The following RBFOX1 variants were observed in gnomAD, a reference collection of about 807,000 sequenced individuals.
The protein encoded by RBFOX1 is RNA binding protein fox-1 homolog 1.
A neutral mutation model predicts 57.7 loss-of-function variants in RBFOX1; 8 were observed. The ratio of observed to expected loss-of-function variants is 0.14; its 90% CI spans 0.08 to 0.25. The LOEUF (loss-of-function observed/expected upper bound fraction) is 0.25, where lower values mean the gene tolerates loss of function less well. Among genes scored for constraint, RBFOX1 ranks in the 10% least tolerant of loss-of-function variants. The pLI is 1.00. For synonymous variants in RBFOX1, 326 were observed against 222.4 expected, an observed-to-expected ratio of 1.47 and a Z score of -4.15; for missense variants, 611 against 548.5, an observed-to-expected ratio of 1.11 and a Z score of -1.14.
intron 4 of RBFOX1, among the ~76,000 whole-genome samples, chr16:5,884,320 G>C (rs1185750575): frequency 1.3e-5 from 2 of 152,130 alleles, no homozygotes; most frequent in Non-Finnish European, 2.9e-5. Flanking sequence ...TAAGGTGGGT[G>C]ATTAAAAAAT....
intron 1 of RBFOX1, among the ~76,000 whole-genome samples, chr16:5,413,855 G>T (rs1211913690): frequency 6.6e-6 from 1 of 152,052 alleles, no homozygotes; most frequent in African/African-American, 2.4e-5. Context: ...GTTGGGGGAA[G>T]GCAAACACAA....
At chr16:6,201,943 T>C (rs2097218062) in intron 1 of RBFOX1, among the ~76,000 whole-genome samples, 1 of 152,204 alleles carries the variant, frequency 6.6e-6, no homozygotes, top group African/African-American at 2.4e-5. Context: ...GCATAAATAT[T>C]GAGGGTCCCC....
intron 10 of RBFOX1, among the ~76,000 whole-genome samples, chr16:7,620,031 A>G (rs904388187): frequency 2.0e-5 from 3 of 152,230 alleles, no homozygotes; most frequent in Middle Eastern, 3.2e-3. Flanking sequence ...ATTTAATACT[A>G]AAATATTTGC....
intron 1 of RBFOX1, among the ~76,000 whole-genome samples, chr16:6,151,756 A>G (rs1245434295): frequency 6.6e-6 from 1 of 152,194 alleles, no homozygotes. Flanking sequence ...GGTATGAGGG[A>G]GTGAAGAATA....
chr16:7,135,064 T>A (rs74009055), intron 4 of RBFOX1, among the ~76,000 whole-genome samples: 1 of 152,022 alleles, frequency 6.6e-6, no homozygotes, highest in Non-Finnish European at 1.5e-5. Context: ...ATAAAGAAGG[T>A]TTTAAAACTT....
chr16:7,395,099 T>C (rs4519348), intron 4 of RBFOX1, among the ~76,000 whole-genome samples: 27,876 of 151,894 alleles, frequency 0.18, 2,673 homozygotes, highest in East Asian at 0.25. Context: ...TTTTTTTTTC[T>C]CTTGAGTTAG....
chr16:6,660,998 G>A (rs1054362357), intron 3 of RBFOX1, among the ~76,000 whole-genome samples: 4 of 152,122 alleles, frequency 2.6e-5, no homozygotes, highest in Non-Finnish European at 4.4e-5. Flanking sequence ...TAATGAAGAG[G>A]CAGAGGAGTG....
intron 2 of RBFOX1, among the ~76,000 whole-genome samples, chr16:6,491,155 C>T (rs948203585): frequency 5.3e-5 from 8 of 151,370 alleles, no homozygotes; most frequent in Non-Finnish European, 1.0e-4. Context: ...TATGTATAGA[C>T]TAGAAGCTAC....
intron 3 of RBFOX1, among the ~76,000 whole-genome samples, chr16:7,023,411 G>T: frequency 6.6e-6 from 1 of 150,886 alleles, no homozygotes; most frequent in Non-Finnish European, 1.5e-5. Context: ...AGTGAGCCGA[G>T]ATCATGTCAT....
At chr16:5,609,805 C>A (rs2047710148) in intron 3 of RBFOX1, among the ~76,000 whole-genome samples, 1 of 143,610 alleles carries the variant, frequency 7.0e-6, no homozygotes, top group Non-Finnish European at 1.5e-5. Flanking sequence ...CTACTTTGTG[C>A]AGAGCACTGT....
At chr16:5,656,820 A>T (rs1170491587) in intron 3 of RBFOX1, among the ~76,000 whole-genome samples, 3 of 152,174 alleles carry the variant, frequency 2.0e-5, no homozygotes, top group African/African-American at 7.2e-5. Context: ...TTGGGTTGGA[A>T]TAAACACAGG....
At position 6,173,090 on chromosome 16, in the gene RBFOX1, C is replaced by T. The variant is rs568313160; in HGVS notation, c.-126-143905C>T. On this transcript the variant is annotated intron_variant, in intron 1 of 15. Transcript: ENST00000550418. ...AGGACTGATACGATGATATTAGGCC[C>T]ACCTGGATAATTAAGACTAATTTTT... Among the ~76,000 whole-genome samples, 11 of 152,132 alleles carry T rather than the reference C, an allele frequency of 7.2e-5. No individual in the cohort carries two copies. In the South Asian group the frequency reaches 2.1e-3, roughly 29 times the overall value.
chr16:6,806,805 A>AATAAACAT (rs1567330748), intron 3 of RBFOX1, among the ~76,000 whole-genome samples: 1 of 110,262 alleles, frequency 9.1e-6, no homozygotes, highest in African/African-American at 3.4e-5. Flanking sequence ...TATATATATA[A>AATAAACAT]ATAAATATAT....
chr16:7,577,554 A>G (rs1452161333), intron 5 of RBFOX1, among the ~76,000 whole-genome samples: 1 of 152,210 alleles, frequency 6.6e-6, no homozygotes, highest in Non-Finnish European at 1.5e-5. Flanking sequence ...GCAGTGTCAT[A>G]TGACCTTGAT....
chr16:5,984,946 T>TTTTTTATATATATATA (rs1450037668), intron 4 of RBFOX1, among the ~76,000 whole-genome samples: 1 of 69,674 alleles, frequency 1.4e-5, no homozygotes, highest in East Asian at 4.1e-4. Flanking sequence ...GGCAACTCCA[T>TTTTTTATATATATATA]TATATATATA....
At chr16:6,103,545 C>T (rs746181789) in intron 1 of RBFOX1, among the ~76,000 whole-genome samples, 5 of 152,126 alleles carry the variant, frequency 3.3e-5, no homozygotes, top group Non-Finnish European at 7.3e-5. Context: ...CATACAAAGC[C>T]ATGAACAAGT....
At chr16:6,925,495 C>T (rs1322031694) in intron 3 of RBFOX1, among the ~76,000 whole-genome samples, 1 of 149,056 alleles carries the variant, frequency 6.7e-6, no homozygotes, top group Non-Finnish European at 1.5e-5. Flanking sequence ...CCTATCCACC[C>T]TATTCCACTG....
intron 4 of RBFOX1, among the ~76,000 whole-genome samples, chr16:7,127,468 T>A (rs2068902987): frequency 6.6e-6 from 1 of 152,178 alleles, no homozygotes; most frequent in Non-Finnish European, 1.5e-5. Flanking sequence ...GAAATAAATA[T>A]GTTAAGAAAT....
chr16:6,923,165 A>G (rs2074855497), intron 3 of RBFOX1, among the ~76,000 whole-genome samples: 13 of 152,142 alleles, frequency 8.5e-5, no homozygotes, highest in Admixed American at 8.5e-4. Context: ...TCTGAGAATA[A>G]ATACCCTGGT....
Sources: allele counts gnomAD v4.1 joint callset (sites outside exome capture counted in the v4.1 genomes callset), GRCh38; gene constraint gnomAD v4.1.1; transcripts MANE v1.5; gene names NCBI Gene and HGNC (gene_info 2026-07-23, HGNC 2026-07-21).